The following ERBB3 variants were observed in gnomAD, a reference collection of about 807,000 sequenced individuals.
ERBB3 encodes the protein receptor tyrosine-protein kinase erbB-3.
In ERBB3, 96 loss-of-function variants were observed where a neutral mutation model predicts 156.7. The observed-to-expected ratio is 0.61, with a 90% confidence interval of 0.52 to 0.73. ERBB3 has a LOEUF of 0.73. Among genes scored for constraint, ERBB3 ranks in the 30% least tolerant of loss-of-function variants. The pLI is 0.00. For missense variants in ERBB3, 1,406 were observed against 1,709.4 expected, an observed-to-expected ratio of 0.82 and a Z score of 3.13; for synonymous variants, 567 against 632.0, an observed-to-expected ratio of 0.90 and a Z score of 1.54.
intron 9 of ERBB3, among the ~76,000 whole-genome samples, chr12:56,089,283 A>AATTTTTTTGT (rs1868589739): frequency 2.0e-5 from 3 of 151,928 alleles, no homozygotes; most frequent in South Asian, 4.2e-4. Flanking sequence ...ATACTTGACT[A>AATTTTTTTGT]ATTTTTTTGT....
At chr12:56,099,157 T>G (rs150022316) in intron 23 of ERBB3, among the ~76,000 whole-genome samples, 27 of 152,102 alleles carry the variant, frequency 1.8e-4, no homozygotes, top group African/African-American at 5.8e-4. Context: ...GGTTTCACCA[T>G]GTTGGCCAGG....
rs1277962717 is a variant in ERBB3, at chr12:56,094,165, G to A, written c.1680G>A (p.Glu560=). The A allele has an allele frequency of 1.2e-6, 2 of 1,614,044 alleles. No individual in the cohort carries two copies. Among genetic ancestry groups the A allele is most frequent in the South Asian group, 1.1e-5 (1 of 91,076 alleles). ...GCCACCCGGAATGCCAACCCATGGA[G>A]GGCACTGCCACATGCAATGGCTCGG... The part of the protein sequence containing the change: ...FSCHPECQPM[E]GTATCNGSGS... The change falls in exon 14 of 28, where the codon GAG becomes GAA. Residue 560 remains glutamate (E), a synonymous_variant. Transcript: ENST00000267101.
intron 25 of ERBB3, 54 bp from the exon 26 acceptor site, chr12:56,100,120 G>C: frequency 6.3e-7 from 1 of 1,587,546 alleles, no homozygotes; most frequent in South Asian, 1.1e-5. Context: ...GGCCCCCATG[G>C]TGAATGTAGA....
chr12:56,099,627 C>T (rs766190994), intron 23 of ERBB3, 21 bp from the exon 24 acceptor site: 1 of 1,599,982 alleles, frequency 6.3e-7, no homozygotes, highest in Non-Finnish European at 8.6e-7. Context: ...TATGTCTCTA[C>T]CTCCTACATC....
At chr12:56,088,297 C>A in intron 7 of ERBB3, 135 bp downstream of exon 7, 1 of 1,002,016 alleles carries the variant, frequency 1.0e-6, no homozygotes, top group Non-Finnish European at 1.5e-6. Context: ...TCTAACCACT[C>A]CAGTGAGTGA....
Position 56,093,558 on chromosome 12 carries a change from A to C in ERBB3, c.1480+8A>C, listed in dbSNP as rs1868788419. On this transcript the variant is annotated splice_region_variant and intron_variant, in intron 12 of 27. Transcript: ENST00000267101. Reference sequence around the variant, plus strand: ...GGCCGCGCAGAGACTGCGGTGAGGGAAAGGGTCTGCTAGGTGGTGAGAATA... The same window carrying C: ...GGCCGCGCAGAGACTGCGGTGAGGGCAAGGGTCTGCTAGGTGGTGAGAATA... The C allele has an allele frequency of 1.2e-6, 2 of 1,608,204 alleles. No homozygotes were observed.
intron 17 of ERBB3, 118 bp downstream of exon 17, chr12:56,095,924 G>T (rs1868875459): frequency 1.9e-6 from 2 of 1,040,376 alleles, no homozygotes; most frequent in Non-Finnish European, 3.0e-6. Context: ...TGGGATAAAT[G>T]TCACTCCCCT....
chr12:56,098,124 G>A (rs1868950810), intron 21 of ERBB3, 184 bp downstream of exon 21: 1 of 660,324 alleles, frequency 1.5e-6, no homozygotes, highest in Non-Finnish European at 2.5e-6. Context: ...CTTGGGACTG[G>A]CCGGGCGCGG....
At position 56,080,394 on chromosome 12, in the gene ERBB3, G is replaced by T. The variant is rs1235008686; in HGVS notation, c.82+12G>T. 31 of 1,581,660 alleles carry T rather than the reference G, an allele frequency of 2.0e-5. No individual in the cohort carries two copies. Among genetic ancestry groups the T allele is most frequent in the Non-Finnish European group, 2.6e-5 (30 of 1,162,176 alleles). Reference sequence around the variant, plus strand: ...CAACTCTCAGGCAGGTAAGTGGCGCGAGAGCACCGGCGGGCTCGGCACCTG... The same window carrying T: ...CAACTCTCAGGCAGGTAAGTGGCGCTAGAGCACCGGCGGGCTCGGCACCTG... On this transcript the variant is annotated intron_variant, in intron 1 of 27. Transcript: ENST00000267101.
chr12:56,084,941 T>A, intron 2 of ERBB3, 54 bp from the exon 3 acceptor site: 3 of 1,607,260 alleles, frequency 1.9e-6, no homozygotes, highest in Non-Finnish European at 1.7e-6. Context: ...GAGAGGAGAT[T>A]GAGATTATTT....
intron 1 of ERBB3, among the ~76,000 whole-genome samples, chr12:56,082,896 C>T (rs1868370918): frequency 6.6e-6 from 1 of 152,166 alleles, no homozygotes; most frequent in Non-Finnish European, 1.5e-5. Context: ...CTGCTACTAT[C>T]TCTCTCCAGG....
Position 56,097,093 on chromosome 12 carries a change from CT to C in ERBB3, c.2324del (p.Leu775ArgfsTer25), listed in dbSNP as rs1868914006. ...SLDHAHIVRL[L>X]GLCPGSSLQL... The stretch of plus-strand genomic sequence containing the variant: ...GGACCATGCCCACATTGTAAGGCTG[CT>C]GGGACTATGCCCAGGGTCATCTCTG... On this transcript the variant is annotated frameshift_variant, in exon 20 of 28. Transcript: ENST00000267101. LOFTEE classifies it high-confidence loss of function. 1.2e-6 allele frequency: 2 copies of C among 1,614,134 alleles called. No homozygotes were observed. The highest frequency in any genetic ancestry group is 1.7e-6 in the Non-Finnish European group (2 of 1,180,014).
chr12:56,097,060 G>A lies in ERBB3; in HGVS notation c.2290G>A (p.Gly764Ser). Residue 764 changes from glycine (G) to serine (S), a missense_variant, in exon 20 of 28, where the codon GGC becomes AGC. Gly to Ser is a moderately conservative substitution (Grantham distance 56). Transcript: ENST00000267101. ...TGTCTCTTAGCATATGCTGGCCATTGGCAGCCTGGACCATGCCCACATTGT... is the reference window on the plus strand; with the variant it reads ...TGTCTCTTAGCATATGCTGGCCATTAGCAGCCTGGACCATGCCCACATTGT... The part of the protein sequence containing the change: ...QAVTDHMLAI[G>S]SLDHAHIVRL... 1 of 1,614,058 alleles carries A rather than the reference G, an allele frequency of 6.2e-7. No homozygotes were observed. The highest frequency in any genetic ancestry group is 8.5e-7 in the Non-Finnish European group (1 of 1,179,994).
intron 3 of ERBB3, 138 bp downstream of exon 3, chr12:56,085,319 A>G (rs1868442299): frequency 6.5e-7 from 1 of 1,549,326 alleles, no homozygotes; most frequent in Non-Finnish European, 8.7e-7. Context: ...CTAAAGGTCC[A>G]TTGCTCCCTA....
At chr12:56,083,196 C>A in intron 1 of ERBB3, 1 of 183,576 alleles carries the variant, frequency 5.4e-6, no homozygotes, top group Non-Finnish European at 1.2e-5. Flanking sequence ...TGGGGCAGCC[C>A]CCCTCCTGGA....
At chr12:56,096,038 T>C in intron 17 of ERBB3, 1 of 593,244 alleles carries the variant, frequency 1.7e-6, no homozygotes, top group Non-Finnish European at 3.0e-6. Flanking sequence ...GTCCTGATTT[T>C]GCCATTAATT....
Position 56,088,585 on chromosome 12 carries a change from C to T in ERBB3, c.917C>T (p.Pro306Leu), listed in dbSNP as rs2136797103. The change falls in exon 8 of 28, where the codon CCT becomes CTT. Residue 306 changes from proline to leucine, a missense_variant. Around this residue, in one of 3 missense-constraint regions of ERBB3, gnomAD observed 979 missense variants for 1,219.6 expected, o/e 0.80. Transcript: ENST00000267101. Reference protein sequence around the residue: ...VDQTSCVRACPPDKMEVDKNG... With the variant: ...VDQTSCVRACLPDKMEVDKNG... ...CAAACATCCTGTGTCAGGGCCTGTC[C>T]TCCTGACAAGATGGAAGTAGATAAA... 6.2e-7 allele frequency: 1 copy of T among 1,613,932 alleles called. No homozygotes were observed. The highest frequency in any genetic ancestry group is 8.5e-7 in the Non-Finnish European group (1 of 1,179,842).
chr12:56,093,856 C>A lies in ERBB3; in HGVS notation c.1573C>A (p.Arg525=), dbSNP rs543942622. 1 of 1,612,936 alleles carries A rather than the reference C, an allele frequency of 6.2e-7. No individual in the cohort carries two copies. The highest frequency in any genetic ancestry group is 8.5e-7 in the Non-Finnish European group (1 of 1,179,834). The change falls in exon 13 of 28, where the codon CGA becomes AGA. Residue 525 remains arginine, a synonymous_variant. Coordinates refer to ENST00000267101, the MANE Select transcript of ERBB3 (RefSeq NM_001982.4). Reference sequence around the variant, plus strand: ...GTGCTTGTCCTGTCGAAATTATAGCCGAGGAGGTGTCTGTGTGACCCACTG... The same window carrying A: ...GTGCTTGTCCTGTCGAAATTATAGCAGAGGAGGTGTCTGTGTGACCCACTG... ...GQCLSCRNYS[R]GGVCVTHCNF...
rs546727763 is a variant in ERBB3 at position 56,093,520 on chromosome 12, A to C, written c.1450A>C (p.Ile484Leu). 6.2e-7 allele frequency: 1 copy of C among 1,613,154 alleles called. No homozygotes were observed. The highest frequency in any genetic ancestry group is 8.5e-7 in the Non-Finnish European group (1 of 1,179,842). Residue 484 changes from isoleucine to leucine, a missense_variant, in exon 12 of 28, where the codon ATC becomes CTC. By Grantham distance (5) the Ile-to-Leu change is conservative. Coordinates refer to ENST00000267101, the MANE Select transcript of ERBB3 (RefSeq NM_001982.4). Reference protein sequence around the residue: ...LRGPTEERLDIKHNRPRRDCV... With the variant: ...LRGPTEERLDLKHNRPRRDCV... ...GGGGCCTACGGAAGAGCGACTAGAC[A>C]TCAAGCATAATCGGCCGCGCAGAGA...
Sources: gnomAD v4.1 joint callset for allele counts (sites outside exome capture counted in the v4.1 genomes callset) on GRCh38, gnomAD v4.1.1 for gene constraint, gnomAD v4.1.1 regional missense constraint, MANE v1.5 for transcripts, NCBI Gene and HGNC (gene_info 2026-07-23, HGNC 2026-07-21) for gene names.